The following B4GALT4 variants were observed in gnomAD, a reference collection of about 807,000 sequenced individuals.
The protein encoded by B4GALT4 is N-acetyllactosamine synthase.
In B4GALT4, 27 loss-of-function variants were observed where a neutral mutation model predicts 37.3. The ratio of observed to expected loss-of-function variants is 0.72; its 90% confidence interval spans 0.53 to 1.00. The LOEUF is 1.00. B4GALT4 is among the 50% of genes least tolerant of loss of function. The probability of loss-of-function intolerance (pLI) is 0.00; values close to 1 mark genes in which losing one functional copy is unlikely to be tolerated. For missense variants in B4GALT4, 372 were observed against 413.1 expected (o/e 0.90, Z 0.86); for synonymous variants, 148 against 154.1 (o/e 0.96, Z 0.29).
intron 3 of B4GALT4, 138 bp downstream of exon 3, chr3:119,229,709 T>C (rs2107521186): frequency 1.1e-6 from 1 of 939,688 alleles, no homozygotes; most frequent in East Asian, 2.7e-5. Flanking sequence ...TTTATTTTAT[T>C]TGAATGTATA....
chr3:119,216,947 C>T (rs2078308498), intron 6 of B4GALT4, among the ~76,000 whole-genome samples: 1 of 152,204 alleles, frequency 6.6e-6, no homozygotes, highest in African/African-American at 2.4e-5. Context: ...TTGTACTCTG[C>T]AATGTATTAT....
chr3:119,235,461 T>C (rs1313932069), intron 2 of B4GALT4, among the ~76,000 whole-genome samples: 2 of 152,226 alleles, frequency 1.3e-5, no homozygotes, highest in African/African-American at 4.8e-5. Flanking sequence ...ACACAGGGCA[T>C]GTGAGTGGGC....
chr3:119,236,532 T>C (rs1313969641), intron 2 of B4GALT4, among the ~76,000 whole-genome samples: 1 of 152,166 alleles, frequency 6.6e-6, no homozygotes, highest in East Asian at 1.9e-4. Flanking sequence ...CAACAAATGA[T>C]AGTAAATTAA....
intron 3 of B4GALT4, 94 bp downstream of exon 3, chr3:119,229,753 G>C: frequency 1.6e-6 from 2 of 1,269,338 alleles, no homozygotes; most frequent in South Asian, 3.0e-5. Context: ...TATATTTATG[G>C]GGTACATGAG....
At chr3:119,220,536 A>C (rs1341303145) in intron 5 of B4GALT4, among the ~76,000 whole-genome samples, 10 of 152,134 alleles carry the variant, frequency 6.6e-5, no homozygotes, top group Admixed American at 5.2e-4. Flanking sequence ...CATCAGGAGG[A>C]GGGGGCCTGG....
intron 2 of B4GALT4, chr3:119,233,143 G>C (rs561148632): frequency 6.6e-6 from 1 of 152,294 alleles, no homozygotes; most frequent in East Asian, 1.9e-4. Flanking sequence ...TATTTTTAGA[G>C]GGAGAGTCCC....
Position 119,230,137 on chromosome 3 carries a change from C to A in B4GALT4, c.-38G>T. The A allele has an allele frequency of 6.2e-7, 1 of 1,605,050 alleles. No homozygotes were observed. The highest frequency in any genetic ancestry group is 8.5e-7 in the Non-Finnish European group (1 of 1,174,770). On this transcript the variant is annotated 5_prime_UTR_variant, in exon 3 of 8. Coordinates refer to ENST00000393765, the MANE Select transcript of B4GALT4 (RefSeq NM_003778.4). ...GTGAATAATATCTATCTCTCTGCTT[C>A]ACTGCAGGCAAGAAAGCTTCAAGTT...
chr3:119,230,184 G>T lies in B4GALT4; in HGVS notation c.-85C>A, dbSNP rs72655929. On this transcript the variant is annotated 5_prime_UTR_variant, in exon 3 of 8. Transcript: ENST00000393765. Reference sequence around the variant, plus strand: ...AGTTGAGCTTTTCCAATCTGATTGCGAACTTGATGACAACTGAAGATACAA... The same window carrying T: ...AGTTGAGCTTTTCCAATCTGATTGCTAACTTGATGACAACTGAAGATACAA... 6.6e-7 allele frequency: 1 copy of T among 1,517,822 alleles called. No homozygotes were observed. 94.0% of individuals were successfully genotyped at this position (1,517,822 alleles called of 1,614,324 possible). A position where few individuals can be genotyped will look rare whatever the true frequency, so the allele number is the denominator to read the frequency against.
Position 119,230,162 on chromosome 3 carries a change from T to A in B4GALT4, c.-63A>T. On this transcript the variant is annotated 5_prime_UTR_variant, in exon 3 of 8. Transcript: ENST00000393765. ...CACTGCAGGCAAGAAAGCTTCAAGT[T>A]GAGCTTTTCCAATCTGATTGCGAAC... 7.6e-6 allele frequency: 12 copies of A among 1,582,894 alleles called. No homozygotes were observed. The highest frequency in any genetic ancestry group is 9.5e-6 in the Non-Finnish European group (11 of 1,162,428).
intron 2 of B4GALT4, among the ~76,000 whole-genome samples, chr3:119,234,032 T>C (rs1468691932): frequency 1.3e-5 from 2 of 152,224 alleles, no homozygotes; most frequent in Admixed American, 1.3e-4. Context: ...ATGAAAAATA[T>C]TTATCTCACA....
chr3:119,211,890 TG>T lies in B4GALT4; in HGVS notation c.*658del, dbSNP rs1576878802. On this transcript the variant is annotated 3_prime_UTR_variant, in exon 8 of 8. Transcript: ENST00000393765. ...AACTAATAGAGAATGTATTCTCTGG[TG>T]GGCATCACTGGAAGGCATACCTGGG... The T allele has an allele frequency of 8.8e-6, 4 of 454,434 alleles. No individual in the cohort carries two copies. The East Asian group carries it at 9.7e-5, about 11-fold the overall frequency. The allele number at this position is 454,434 out of a possible 1,614,324, so 28.2% of individuals were successfully genotyped here.
intron 3 of B4GALT4, among the ~76,000 whole-genome samples, chr3:119,229,284 AC>A (rs1203802845): frequency 1.3e-5 from 2 of 152,192 alleles, no homozygotes; most frequent in East Asian, 3.9e-4. Context: ...GGGCAGAGCC[AC>A]CAGCCTAGAT....
chr3:119,212,180 A>C lies in B4GALT4; in HGVS notation c.*369T>G, dbSNP rs990846060. On this transcript the variant is annotated 3_prime_UTR_variant, in exon 8 of 8. Coordinates refer to ENST00000393765, the MANE Select transcript of B4GALT4 (RefSeq NM_003778.4). ...ACAACTCTGGTTCTCTCAGACATTC[A>C]GCAGTCTTATTTCCTGTGGCCTTTT... 2 of 703,068 alleles carry C rather than the reference A, an allele frequency of 2.8e-6. No individual in the cohort carries two copies. Among genetic ancestry groups the C allele is most frequent in the East Asian group, 5.4e-5 (2 of 37,294 alleles). 43.6% of individuals were successfully genotyped at this position (703,068 alleles called of 1,614,324 possible).
rs186796967 is a variant in B4GALT4, at chr3:119,220,765, T to C, written c.675-1993A>G. 3.7e-4 allele frequency among the ~76,000 whole-genome samples: 57 copies of C among 152,222 alleles called. No homozygotes were observed. The East Asian group carries it at 0.011, about 28-fold the overall frequency. On this transcript the variant is annotated intron_variant, in intron 5 of 7. Transcript: ENST00000393765. ...ACTTTGGGAGGCCAAGGCGGACGGA[T>C]CAAGAGGTCAGGAGATCGAGACCAC...
chr3:119,220,196 C>T (rs924806681), intron 5 of B4GALT4, among the ~76,000 whole-genome samples: 14 of 152,180 alleles, frequency 9.2e-5, no homozygotes, highest in African/African-American at 3.4e-4. Flanking sequence ...AAATAAAGTG[C>T]TTAGAAGGTA....
At position 119,226,795 on chromosome 3, in the gene B4GALT4, GC is replaced by G. The variant is rs1325100717; in HGVS notation, c.486+13del. On this transcript the variant is annotated intron_variant, in intron 4 of 7. Transcript: ENST00000393765. ...GAGGGTCGAGGGCAGGCCCTGGTCTGCCCCCACGCTCACCTGGTGGATGACG... is the reference window on the plus strand; with the variant it reads ...GAGGGTCGAGGGCAGGCCCTGGTCTGCCCCACGCTCACCTGGTGGATGACG... The G allele has an allele frequency of 2.6e-5, 42 of 1,608,066 alleles. No homozygotes were observed. The highest frequency in any genetic ancestry group is 3.4e-5 in the Non-Finnish European group (40 of 1,176,736).
intron 5 of B4GALT4, among the ~76,000 whole-genome samples, chr3:119,219,244 C>G (rs1464285820): frequency 6.6e-6 from 1 of 152,120 alleles, no homozygotes; most frequent in African/African-American, 2.4e-5. Flanking sequence ...AGGCAGGAGA[C>G]AGCTCCCGCA....
chr3:119,233,132 C>T (rs2078875600), intron 2 of B4GALT4: 1 of 152,164 alleles, frequency 6.6e-6, no homozygotes, highest in African/African-American at 2.4e-5. Context: ...TTTCTAAGAG[C>T]TATTTTTAGA....
chr3:119,222,420 GAT>G (rs5852193), intron 5 of B4GALT4, among the ~76,000 whole-genome samples: 56,045 of 151,862 alleles, frequency 0.37, 11,104 homozygotes, highest in Non-Finnish European at 0.42. Flanking sequence ...TTGCCCTCTG[GAT>G]CCACAGCCCC....
Sources: gnomAD v4.1 joint callset for allele counts (sites outside exome capture counted in the v4.1 genomes callset) on GRCh38, gnomAD v4.1.1 for gene constraint, MANE v1.5 for transcripts, NCBI Gene and HGNC (gene_info 2026-07-23, HGNC 2026-07-21) for gene names.